Variants in RPS6KA3 observed in about 807,000 individuals in gnomAD.
The protein encoded by RPS6KA3 is ribosomal protein S6 kinase alpha-3.
Under a neutral mutation model 67.2 loss-of-function variants are expected in RPS6KA3, and 4 were observed. The ratio of observed to expected loss-of-function variants is 0.06; its 90% CI spans 0.03 to 0.14. The LOEUF (loss-of-function observed/expected upper bound fraction) is 0.14, where lower values mean the gene tolerates loss of function less well. RPS6KA3 is among the 10% of genes least tolerant of loss of function. The probability of loss-of-function intolerance (pLI) is 1.00; values close to 1 mark genes in which losing one functional copy is unlikely to be tolerated. For missense variants in RPS6KA3, 204 were observed against 559.0 expected (o/e 0.36, Z 6.40); for synonymous variants, 182 against 183.7 (o/e 0.99, Z 0.07).
intron 1 of RPS6KA3, among the ~76,000 whole-genome samples, chrX:20,236,959 C>T (rs762552468): frequency 1.8e-5 from 2 of 111,689 alleles, no homozygotes; most frequent in South Asian, 7.4e-4. Flanking sequence ...AAATTCCTGT[C>T]TCACCCTATT....
At chrX:20,161,816 A>T (rs907332809) in intron 19 of RPS6KA3, 55 bp from the exon 20 acceptor site, 11 of 414,786 alleles carry the variant, frequency 2.7e-5, no homozygotes, top group Non-Finnish European at 3.6e-5. Context: ...CTTGGTTGGT[A>T]ATCTCAAAAG....
At chrX:20,236,552 T>C (rs1356504156) in intron 1 of RPS6KA3, among the ~76,000 whole-genome samples, 2 of 111,441 alleles carry the variant, frequency 1.8e-5, no homozygotes, top group Non-Finnish European at 3.8e-5. Flanking sequence ...AGCTATGTTC[T>C]AGGCACTGAG....
intron 19 of RPS6KA3, 115 bp from the exon 20 acceptor site, chrX:20,161,876 A>G: frequency 5.7e-6 from 1 of 176,786 alleles, no homozygotes; most frequent in Non-Finnish European, 1.0e-5. Flanking sequence ...CCAAAGTGAA[A>G]AAAATCAACA....
At chrX:20,256,496 T>C (rs1307372389) in intron 1 of RPS6KA3, among the ~76,000 whole-genome samples, 3 of 111,852 alleles carry the variant, frequency 2.7e-5, no homozygotes, top group Non-Finnish European at 5.6e-5. Flanking sequence ...TGTTAAGTAA[T>C]GTCTAGGCAG....
chrX:20,166,752 C>T (rs1449005971), intron 17 of RPS6KA3, among the ~76,000 whole-genome samples: 2 of 83,454 alleles, frequency 2.4e-5, no homozygotes, highest in Non-Finnish European at 4.4e-5. Flanking sequence ...GAGTCTCACT[C>T]TGTTGCCCAG....
At chrX:20,218,702 C>T (rs2068917652) in intron 2 of RPS6KA3, 2 of 608,422 alleles carry the variant, frequency 3.3e-6, no homozygotes, top group African/African-American at 4.6e-5. Flanking sequence ...TGAAAAGCTG[C>T]TTTAAAGAAC....
At chrX:20,169,812 A>G (rs1340452629) in intron 15 of RPS6KA3, among the ~76,000 whole-genome samples, 1 of 112,123 alleles carries the variant, frequency 8.9e-6, no homozygotes, top group African/African-American at 3.2e-5. Flanking sequence ...CACAGTTAAC[A>G]TATCTTTTCT....
intron 2 of RPS6KA3, among the ~76,000 whole-genome samples, chrX:20,215,400 C>G (rs370794417): frequency 1.8e-3 from 198 of 111,184 alleles, no homozygotes; most frequent in South Asian, 7.9e-3. Context: ...GAGAAAAGAT[C>G]AATTCCTGTG....
chrX:20,229,746 TTAAA>T (rs2069213884), intron 2 of RPS6KA3, among the ~76,000 whole-genome samples: 1 of 112,329 alleles, frequency 8.9e-6, no homozygotes, highest in South Asian at 3.6e-4. Context: ...TTTAATATCA[TTAAA>T]TAAATATTAA....
intron 10 of RPS6KA3, among the ~76,000 whole-genome samples, chrX:20,183,015 T>C (rs184957815): frequency 1.3e-3 from 147 of 111,244 alleles, no homozygotes; most frequent in African/African-American, 4.6e-3. Flanking sequence ...ATTTGCATTT[T>C]CTGATTAACG....
chrX:20,174,964 G>A (rs45577934), intron 14 of RPS6KA3, among the ~76,000 whole-genome samples, 200 bp downstream of exon 14: 3 of 111,075 alleles, frequency 2.7e-5, no homozygotes, highest in Non-Finnish European at 5.7e-5. Context: ...ATGTTGGCCA[G>A]GCTGGTCTTG....
At chrX:20,250,619 C>T (rs1209977009) in intron 1 of RPS6KA3, among the ~76,000 whole-genome samples, 5 of 112,198 alleles carry the variant, frequency 4.5e-5, no homozygotes, top group Non-Finnish European at 5.6e-5. Flanking sequence ...AGAAAAAATA[C>T]GTTTTCTCCA....
rs1317661362 is a variant in RPS6KA3, at chrX:20,155,337, T to C, written c.*61A>G. 1.7e-5 allele frequency: 20 copies of C among 1,186,210 alleles called. No individual in the cohort carries two copies. The highest frequency in any genetic ancestry group is 2.1e-5 in the Non-Finnish European group (18 of 872,755). On this transcript the variant is annotated 3_prime_UTR_variant, in exon 22 of 22. Transcript: ENST00000379565. ...AGGTGTCTCTCAGATACGTGCTACCTGTCGCCAGAACTTGTGCTATCAGCT... is the reference window on the plus strand; with the variant it reads ...AGGTGTCTCTCAGATACGTGCTACCCGTCGCCAGAACTTGTGCTATCAGCT...
rs746959870 is a variant in RPS6KA3 at position 20,191,954 on chromosome X, C to T, written c.593+1533G>A. 1.1e-4 allele frequency among the ~76,000 whole-genome samples: 12 copies of T among 109,983 alleles called. 1 individual carries two copies. Among genetic ancestry groups the T allele is most frequent in the African/African-American group, 3.0e-4 (9 of 30,224 alleles). The stretch of plus-strand genomic sequence containing the variant: ...CCAAGTTTTGTATTTTTAATAGAGA[C>T]GGGGTTTCACCATGTTGGCCGGGCT... On this transcript the variant is annotated intron_variant, in intron 7 of 21. Transcript: ENST00000379565.
intron 20 of RPS6KA3, among the ~76,000 whole-genome samples, chrX:20,157,501 CAA>C (rs1197154800): frequency 2.4e-4 from 12 of 49,896 alleles, no homozygotes; most frequent in Admixed American, 8.0e-4. Context: ...GACCCTGTCT[CAA>C]AAAAAAAAAA....
intron 2 of RPS6KA3, among the ~76,000 whole-genome samples, chrX:20,232,444 G>A (rs919944173): frequency 3.6e-5 from 4 of 110,138 alleles, no homozygotes. Context: ...GTGGTGGCGC[G>A]TGCCTGTATC....
At chrX:20,192,372 C>G (rs1373218486) in intron 7 of RPS6KA3, among the ~76,000 whole-genome samples, 1 of 107,095 alleles carries the variant, frequency 9.3e-6, no homozygotes, top group East Asian at 2.9e-4. Context: ...TATACCATCC[C>G]TCCTGCCAAA....
intron 3 of RPS6KA3, among the ~76,000 whole-genome samples, chrX:20,207,571 A>G (rs1291304411): frequency 8.9e-6 from 1 of 111,855 alleles, no homozygotes; most frequent in Non-Finnish European, 1.9e-5. Context: ...GTAACAGAGA[A>G]GAAGGCAGCC....
intron 6 of RPS6KA3, 63 bp downstream of exon 6, chrX:20,194,126 A>C (rs376100584): frequency 2.8e-6 from 2 of 717,358 alleles, no homozygotes. Context: ...ACTGAAACAT[A>C]ACAAAGCTTT....
Sources: gnomAD v4.1 joint callset for allele counts (sites outside exome capture counted in the v4.1 genomes callset) on GRCh38, gnomAD v4.1.1 for gene constraint, MANE v1.5 for transcripts, NCBI Gene and HGNC (gene_info 2026-07-23, HGNC 2026-07-21) for gene names.